Variants in PHRF1 observed in about 807,000 individuals in gnomAD.
PHRF1 encodes the protein PHD and RING finger domain-containing protein 1.
In PHRF1, 53 loss-of-function variants were observed where a neutral mutation model predicts 128.9. The observed-to-expected ratio is 0.41, with a 90% CI of 0.33 to 0.52. The LOEUF is 0.52. PHRF1 is among the 20% of genes least tolerant of loss of function. PHRF1 has a pLI of 0.21. For synonymous variants in PHRF1, 1,178 were observed against 980.6 expected (o/e 1.20, Z -3.76); for missense variants, 2,503 against 2,284.5 (o/e 1.10, Z -1.95).
intron 9 of PHRF1, among the ~76,000 whole-genome samples, chr11:599,531 C>T (rs552506286): frequency 2.8e-4 from 42 of 151,996 alleles, no homozygotes; most frequent in Non-Finnish European, 5.6e-4. Context: ...GATTACAGGC[C>T]TCTGAGCCAC....
At chr11:587,048 C>G (rs1486878952) in intron 3 of PHRF1, among the ~76,000 whole-genome samples, 1 of 152,190 alleles carries the variant, frequency 6.6e-6, no homozygotes, top group African/African-American at 2.4e-5. Flanking sequence ...CGGTGCAGGG[C>G]ACCCGAGGCT....
chr11:600,495 T>TAAATAA (rs749599842), intron 9 of PHRF1, among the ~76,000 whole-genome samples: 7 of 38,954 alleles, frequency 1.8e-4, no homozygotes, highest in African/African-American at 2.6e-4. Context: ...TCTCCAAAAA[T>TAAATAA]ATATATATAT....
chr11:606,752 C>T, intron 13 of PHRF1, 156 bp downstream of exon 13: 1 of 1,134,370 alleles, frequency 8.8e-7, no homozygotes. Flanking sequence ...CCTTCTTGAG[C>T]AGTTTCTCAG....
intron 3 of PHRF1, among the ~76,000 whole-genome samples, chr11:582,789 G>C (rs992808910): frequency 4.6e-5 from 7 of 151,812 alleles, no homozygotes; most frequent in African/African-American, 1.2e-4. Flanking sequence ...CTCCCAAAGT[G>C]CTGGGATTAC....
chr11:591,947 G>A (rs1424399552), intron 5 of PHRF1, among the ~76,000 whole-genome samples: 7 of 140,848 alleles, frequency 5.0e-5, no homozygotes, highest in African/African-American at 8.1e-5. Flanking sequence ...CAAGAGTCTC[G>A]CTCTTTTGCC....
At chr11:601,532 G>A (rs1169022873) in intron 9 of PHRF1, 42 bp from the exon 10 acceptor site, 2 of 1,612,360 alleles carry the variant, frequency 1.2e-6, no homozygotes, top group Non-Finnish European at 8.5e-7. Context: ...GGCAGGGAGG[G>A]CCCAGCACAG....
rs372938068 is a variant in PHRF1, at chr11:607,616, C to T, written c.2160C>T (p.Thr720=). The change falls in exon 14 of 18, where the codon ACC becomes ACT. Residue 720 remains threonine, a synonymous_variant. Transcript: ENST00000264555. The stretch of plus-strand genomic sequence containing the variant: ...GCCGACTGACTGGCAGGGAGGGCAC[C>T]GGGCAGCCAGGGCGAGGCACACGGG... The part of the protein sequence containing the change: ...CISRLTGREG[T]GQPGRGTRAE... 1.5e-4 allele frequency: 245 copies of T among 1,611,960 alleles called. No individual in the cohort carries two copies. Among genetic ancestry groups the T allele is most frequent in the Non-Finnish European group, 1.9e-4 (225 of 1,179,762 alleles).
chr11:584,099 A>C (rs368081392), intron 3 of PHRF1, among the ~76,000 whole-genome samples: 1 of 152,190 alleles, frequency 6.6e-6, no homozygotes, highest in Non-Finnish European at 1.5e-5. Context: ...GCCTGAGCCA[A>C]TGTGTGTTGG....
At chr11:603,918 G>A (rs1157349989) in intron 10 of PHRF1, among the ~76,000 whole-genome samples, 3 of 151,648 alleles carry the variant, frequency 2.0e-5, no homozygotes, top group African/African-American at 7.3e-5. Flanking sequence ...GGTCAGGCTG[G>A]TCTTGAACTC....
At chr11:589,572 C>T (rs1380118130) in intron 4 of PHRF1, among the ~76,000 whole-genome samples, 1 of 90,190 alleles carries the variant, frequency 1.1e-5, no homozygotes, top group Non-Finnish European at 2.6e-5. Flanking sequence ...CCTGGACACA[C>T]TCGGGGGGGC....
chr11:588,210 G>A (rs1475354253), intron 4 of PHRF1, among the ~76,000 whole-genome samples: 2 of 152,162 alleles, frequency 1.3e-5, no homozygotes, highest in Non-Finnish European at 2.9e-5. Flanking sequence ...GTTTCACTGA[G>A]TAGCTGAAAA....
intron 10 of PHRF1, among the ~76,000 whole-genome samples, chr11:604,870 A>G (rs897877910): frequency 2.0e-5 from 3 of 152,160 alleles, no homozygotes; most frequent in Non-Finnish European, 4.4e-5. Context: ...ACTTAATGCT[A>G]CTACGACGTG....
chr11:583,946 G>T (rs1404066805), intron 3 of PHRF1, among the ~76,000 whole-genome samples: 2 of 152,226 alleles, frequency 1.3e-5, no homozygotes, highest in Non-Finnish European at 2.9e-5. Context: ...TCACCCTTGG[G>T]CTGGAAAATC....
intron 10 of PHRF1, among the ~76,000 whole-genome samples, chr11:602,751 TTTTG>T (rs1855704365): frequency 7.1e-6 from 1 of 140,832 alleles, no homozygotes; most frequent in Non-Finnish European, 1.5e-5. Flanking sequence ...TCTTTTTTGG[TTTTG>T]TTTTTGTTTT....
chr11:609,397 T>A lies in PHRF1; in HGVS notation c.3941T>A (p.Leu1314Gln), dbSNP rs1448733118. ...PLKPALPPAS[L>Q]AVAAIQREVS... The stretch of plus-strand genomic sequence containing the variant: ...AAGCCTGCGTTGCCCCCAGCCAGCC[T>A]GGCCGTGGCCGCCATCCAGAGGGAG... The change falls in exon 14 of 18, where the codon CTG becomes CAG. Residue 1314 changes from leucine to glutamine, a missense_variant. By Grantham distance (113) the Leu-to-Gln change is moderately radical. Coordinates refer to ENST00000264555, the MANE Select transcript of PHRF1 (RefSeq NM_001286581.2). 1 of 1,610,950 alleles carries A rather than the reference T, an allele frequency of 6.2e-7. No homozygotes were observed. The highest frequency in any genetic ancestry group is 1.3e-5 in the African/African-American group (1 of 75,052).
chr11:602,321 A>C (rs73396351), intron 10 of PHRF1, among the ~76,000 whole-genome samples: 5,989 of 152,266 alleles, frequency 0.039, 401 homozygotes, highest in African/African-American at 0.14. Flanking sequence ...TGTGATGCTC[A>C]AACCGGGACT....
In PHRF1 at chr11:608,534, G is replaced by A. The variant is rs1856113019; in HGVS notation, c.3078G>A (p.Arg1026=). The change falls in exon 14 of 18, where the codon AGG becomes AGA. Residue 1026 remains arginine (R), a synonymous_variant. Transcript: ENST00000264555. Reference sequence around the variant, plus strand: ...GCTCTGGGACGCGCTCTGAATCCAGGGACAGGAGCTCGAGGTCAGCGTCAC... The same window carrying A: ...GCTCTGGGACGCGCTCTGAATCCAGAGACAGGAGCTCGAGGTCAGCGTCAC... ...RTRSGTRSES[R]DRSSRSASPS... The A allele has an allele frequency of 6.2e-7, 1 of 1,612,212 alleles. No individual in the cohort carries two copies. The highest frequency in any genetic ancestry group is 1.3e-5 in the African/African-American group (1 of 74,928).
intron 9 of PHRF1, among the ~76,000 whole-genome samples, chr11:598,960 G>C (rs1332432395): frequency 6.6e-6 from 1 of 152,196 alleles, no homozygotes; most frequent in Non-Finnish European, 1.5e-5. Context: ...TTTTGTCCCA[G>C]TGCTGGTTAA....
rs780943557 is a variant in PHRF1, at chr11:609,204, G to A, written c.3748G>A (p.Ala1250Thr). 1 of 1,608,712 alleles carries A rather than the reference G, an allele frequency of 6.2e-7. No individual in the cohort carries two copies. The highest frequency in any genetic ancestry group is 1.1e-5 in the South Asian group (1 of 91,082). Residue 1250 changes from alanine to threonine, a missense_variant, in exon 14 of 18, where the codon GCT (alanine) becomes ACT (threonine). Transcript: ENST00000264555. ...GGCTCCCCCTGTCCTGGAGGTGGCAGCTGAGTGTGAGCCGGACGACCTGGA... is the reference window on the plus strand; with the variant it reads ...GGCTCCCCCTGTCCTGGAGGTGGCAACTGAGTGTGAGCCGGACGACCTGGA... ...LQAPPVLEVA[A>T]ECEPDDLDLD...
Sources: allele counts gnomAD v4.1 joint callset (sites outside exome capture counted in the v4.1 genomes callset), GRCh38; gene constraint gnomAD v4.1.1; transcripts MANE v1.5; gene names NCBI Gene and HGNC (gene_info 2026-07-23, HGNC 2026-07-21).